Variants in NLGN1 observed in about 807,000 individuals in gnomAD.
The protein encoded by NLGN1 is neuroligin-1.
A neutral mutation model predicts 65.5 loss-of-function variants in NLGN1; 12 were observed. The observed-to-expected ratio is 0.18, with a 90% CI of 0.12 to 0.30. The LOEUF is 0.30. Among genes scored for constraint, NLGN1 ranks in the 10% least tolerant of loss-of-function variants. The pLI, the probability that NLGN1 is intolerant of heterozygous loss-of-function variation, is 1.00. For synonymous variants in NLGN1, 350 were observed against 359.5 expected, an observed-to-expected ratio of 0.97 and a Z score of 0.30; for missense variants, 750 against 1,007.1, an observed-to-expected ratio of 0.74 and a Z score of 3.46.
At chr3:173,678,684 G>A (rs568099667) in intron 3 of NLGN1, among the ~76,000 whole-genome samples, 1 of 152,184 alleles carries the variant, frequency 6.6e-6, no homozygotes, top group Non-Finnish European at 1.5e-5. Context: ...TACCCTAGGG[G>A]TTAGTATTTT....
At chr3:173,903,695 T>C (rs1479763462) in intron 4 of NLGN1, among the ~76,000 whole-genome samples, 1 of 152,120 alleles carries the variant, frequency 6.6e-6, no homozygotes, top group African/African-American at 2.4e-5. Flanking sequence ...AAGGTATACC[T>C]GCGGGCAAGG....
At chr3:173,845,859 T>C (rs116574349) in intron 4 of NLGN1, among the ~76,000 whole-genome samples, 3,326 of 152,294 alleles carry the variant, frequency 0.022, 79 homozygotes, top group African/African-American at 0.066. Flanking sequence ...TAAGTGTTTT[T>C]TAATTAAAAT....
At chr3:173,923,452 TTTC>T (rs1442454442) in intron 4 of NLGN1, among the ~76,000 whole-genome samples, 1 of 152,158 alleles carries the variant, frequency 6.6e-6, no homozygotes, top group East Asian at 1.9e-4. Flanking sequence ...CTGTATTCCT[TTTC>T]TTCTTCCCTC....
chr3:174,129,473 T>C (rs974634770), intron 4 of NLGN1, among the ~76,000 whole-genome samples: 3 of 151,926 alleles, frequency 2.0e-5, no homozygotes, highest in South Asian at 4.1e-4. Context: ...TCACAATCTA[T>C]GTTTATTTTT....
At chr3:173,946,151 AT>A (rs1196141151) in intron 4 of NLGN1, among the ~76,000 whole-genome samples, 2 of 152,184 alleles carry the variant, frequency 1.3e-5, no homozygotes, top group African/African-American at 4.8e-5. Context: ...AATGCAAATT[AT>A]TTTTTTCTAA....
intron 3 of NLGN1, among the ~76,000 whole-genome samples, chr3:173,730,384 A>AT (rs1282999717): frequency 6.7e-6 from 1 of 149,310 alleles, no homozygotes; most frequent in Non-Finnish European, 1.5e-5. Flanking sequence ...TAATTTTAAA[A>AT]TTTTTTAGTA....
chr3:173,562,009 GGTTTTT>G (rs986274178), intron 2 of NLGN1, among the ~76,000 whole-genome samples: 5 of 152,288 alleles, frequency 3.3e-5, no homozygotes, highest in African/African-American at 1.2e-4. Flanking sequence ...GCACAGTTAA[GGTTTTT>G]GTTTTTGTTT....
At chr3:173,631,856 A>G (rs1206029902) in intron 3 of NLGN1, among the ~76,000 whole-genome samples, 3 of 152,070 alleles carry the variant, frequency 2.0e-5, no homozygotes, top group African/African-American at 7.2e-5. Context: ...TTGGGTGAAA[A>G]TTATTCAATC....
intron 3 of NLGN1, among the ~76,000 whole-genome samples, chr3:173,770,745 A>G (rs1779457962): frequency 6.6e-6 from 1 of 152,152 alleles, no homozygotes; most frequent in African/African-American, 2.4e-5. Context: ...CTGTGAAATG[A>G]AAATGGCAGT....
chr3:174,177,753 A>G (rs1011015389), intron 4 of NLGN1, among the ~76,000 whole-genome samples: 3 of 152,082 alleles, frequency 2.0e-5, no homozygotes, highest in Admixed American at 6.6e-5. Flanking sequence ...GCCTTTCATT[A>G]TGTTATATTC....
At chr3:173,481,381 A>C (rs1727251574) in intron 2 of NLGN1, among the ~76,000 whole-genome samples, 1 of 152,042 alleles carries the variant, frequency 6.6e-6, no homozygotes, top group African/African-American at 2.4e-5. Flanking sequence ...CAGAACTAAT[A>C]ACGATTATTC....
In NLGN1 at chr3:173,536,229, C is replaced by T. The variant is rs1737407401; in HGVS notation, c.-320-68050C>T. ...CTACTGAGTTCTTCCAAGAGGTGATCAGGCATAACTCTTAGGTTCTGCTAC... is the reference window on the plus strand; with the variant it reads ...CTACTGAGTTCTTCCAAGAGGTGATTAGGCATAACTCTTAGGTTCTGCTAC... On this transcript the variant is annotated intron_variant, in intron 2 of 6. Coordinates refer to ENST00000457714, the Ensembl canonical transcript of NLGN1. 3.9e-5 allele frequency among the ~76,000 whole-genome samples: 6 copies of T among 152,142 alleles called. 1 individual carries two copies. The highest frequency in any genetic ancestry group is 3.9e-4 in the Admixed American group (6 of 15,264).
intron 4 of NLGN1, among the ~76,000 whole-genome samples, chr3:173,870,385 T>C (rs1730949593): frequency 6.6e-6 from 1 of 152,198 alleles, no homozygotes; most frequent in Non-Finnish European, 1.5e-5. Context: ...GTTGAAAGAA[T>C]AAATACTTGC....
rs1021730781 is a variant in NLGN1, at chr3:173,539,837, G to GTT, written c.-320-64441_-320-64440dup. 7.9e-5 allele frequency among the ~76,000 whole-genome samples: 10 copies of GTT among 127,108 alleles called. No homozygotes were observed. In the South Asian group the frequency reaches 2.3e-3, roughly 30 times the overall value. 83.4% of individuals were successfully genotyped at this position (127,108 alleles called of 152,430 possible). A position where few individuals can be genotyped will look rare whatever the true frequency, so the allele number is the denominator to read the frequency against. On this transcript the variant is annotated intron_variant, in intron 2 of 6. Transcript: ENST00000457714. The stretch of plus-strand genomic sequence containing the variant: ...ATACATATGTTATATATGTATATAT[G>GTT]TTATATATATTATATGTTATGTATG...
At chr3:173,728,500 T>C (rs979449196) in intron 3 of NLGN1, among the ~76,000 whole-genome samples, 1 of 151,970 alleles carries the variant, frequency 6.6e-6, no homozygotes, top group Admixed American at 6.6e-5. Flanking sequence ...ATATCTATAG[T>C]GGGTTGAATA....
intron 2 of NLGN1, among the ~76,000 whole-genome samples, chr3:173,490,368 T>G (rs1176325510): frequency 1.3e-5 from 2 of 152,150 alleles, no homozygotes; most frequent in African/African-American, 4.8e-5. Flanking sequence ...CCCCATTGCT[T>G]GTTTTTCTCA....
At chr3:173,833,956 T>A (rs1010426985) in intron 4 of NLGN1, among the ~76,000 whole-genome samples, 9 of 147,516 alleles carry the variant, frequency 6.1e-5, no homozygotes, top group African/African-American at 1.5e-4. Flanking sequence ...CAGATTTTTT[T>A]AAATAATCCC....
At chr3:173,779,128 G>A (rs191752008) in intron 3 of NLGN1, among the ~76,000 whole-genome samples, 1 of 151,560 alleles carries the variant, frequency 6.6e-6, no homozygotes, top group East Asian at 1.9e-4. Context: ...TAGTTGCTTT[G>A]CAGAAAAAAT....
intron 4 of NLGN1, among the ~76,000 whole-genome samples, chr3:174,267,200 T>C (rs1198204985): frequency 6.6e-6 from 1 of 152,186 alleles, no homozygotes; most frequent in African/African-American, 2.4e-5. Flanking sequence ...AAGATTTATT[T>C]GGCTCATGGT....
Sources: allele counts gnomAD v4.1 joint callset (sites outside exome capture counted in the v4.1 genomes callset), GRCh38; gene constraint gnomAD v4.1.1; transcripts MANE v1.5; gene names NCBI Gene and HGNC (gene_info 2026-07-23, HGNC 2026-07-21).